SARAF: variants seen among roughly 807,000 people sequenced by gnomAD.
The protein encoded by SARAF is store-operated calcium entry-associated regulatory factor.
SARAF carries 23 observed loss-of-function variants against 39.7 expected under a neutral mutation model. That is an observed-to-expected ratio of 0.58 (90% CI 0.42 to 0.82). The LOEUF (loss-of-function observed/expected upper bound fraction) is 0.82. SARAF is among the 40% of genes least tolerant of loss of function. The pLI is 0.00. For missense variants in SARAF, 384 were observed against 418.5 expected (o/e 0.92, Z 0.72); for synonymous variants, 175 against 168.5 (o/e 1.04, Z -0.30).
intron 2 of SARAF, among the ~76,000 whole-genome samples, chr8:30,072,656 C>T (rs1801873943): frequency 6.6e-6 from 1 of 152,104 alleles, no homozygotes; most frequent in Non-Finnish European, 1.5e-5. Context: ...AGTTTCTGTC[C>T]TGCTACTAAA....
chr8:30,067,706 GT>G (rs1225809465), intron 3 of SARAF, among the ~76,000 whole-genome samples: 1 of 152,114 alleles, frequency 6.6e-6, no homozygotes, highest in African/African-American at 2.4e-5. Flanking sequence ...TGCATTATCA[GT>G]TTTTTTCTTA....
chr8:30,072,947 T>C (rs1425915964), intron 2 of SARAF, among the ~76,000 whole-genome samples: 1 of 152,238 alleles, frequency 6.6e-6, no homozygotes, highest in Non-Finnish European at 1.5e-5. Flanking sequence ...TTGCAATTAA[T>C]ACATGCTTAA....
intron 1 of SARAF, among the ~76,000 whole-genome samples, chr8:30,075,899 T>C (rs539881884): frequency 2.0e-4 from 28 of 142,716 alleles, no homozygotes; most frequent in African/African-American, 7.1e-4. Flanking sequence ...TAGTGGTAGA[T>C]GACTAGACCT....
chr8:30,082,825 T>G, intron 1 of SARAF, 22 bp downstream of exon 1: 1 of 1,433,722 alleles, frequency 7.0e-7, no homozygotes, highest in Admixed American at 2.4e-5. Flanking sequence ...ACGAAGCGCC[T>G]GAGGGCCCTG....
In SARAF at chr8:30,064,553, A is replaced by ATT. The variant is rs1213352789; in HGVS notation, c.995-641_995-640insAA. On this transcript the variant is annotated intron_variant, in intron 5 of 5. Coordinates refer to ENST00000256255, the MANE Select transcript of SARAF (RefSeq NM_016127.6). The stretch of plus-strand genomic sequence containing the variant: ...CCTAGCCATATATATATATATATAT[A>ATT]TATATATATTTTTTTTTTTTTTTTT... 2.8e-3 allele frequency among the ~76,000 whole-genome samples: 135 copies of ATT among 47,656 alleles called. 3 individuals are homozygous for ATT. The highest frequency in any genetic ancestry group is 9.1e-3 in the East Asian group (11 of 1,204). 31.3% of individuals were successfully genotyped at this position (47,656 alleles called of 152,430 possible).
chr8:30,070,152 G>T (rs1426036066), intron 2 of SARAF, 93 bp from the exon 3 acceptor site: 3 of 1,180,988 alleles, frequency 2.5e-6, no homozygotes, highest in Non-Finnish European at 3.6e-6. Context: ...GCTCACACCT[G>T]TAATCTCAGC....
chr8:30,065,291 G>A (rs1212532531), intron 5 of SARAF, among the ~76,000 whole-genome samples: 1 of 152,168 alleles, frequency 6.6e-6, no homozygotes, highest in Non-Finnish European at 1.5e-5. Context: ...TTGGAAGTAT[G>A]CATAGGTTCA....
intron 2 of SARAF, among the ~76,000 whole-genome samples, chr8:30,073,473 C>A (rs1171656357): frequency 6.6e-6 from 1 of 152,158 alleles, no homozygotes; most frequent in Non-Finnish European, 1.5e-5. Context: ...GCTAGAAGCA[C>A]AATAGAGATA....
At chr8:30,074,655 TAAC>T (rs1012986645) in intron 1 of SARAF, among the ~76,000 whole-genome samples, 18 of 152,184 alleles carry the variant, frequency 1.2e-4, no homozygotes, top group African/African-American at 4.1e-4. Context: ...ATGTATATAA[TAAC>T]AACATGAAAA....
chr8:30,065,512 A>G (rs1025137405), intron 5 of SARAF, among the ~76,000 whole-genome samples: 3 of 152,206 alleles, frequency 2.0e-5, no homozygotes, highest in Non-Finnish European at 4.4e-5. Context: ...GCAGCTCCCA[A>G]TTAGGCTTGA....
chr8:30,075,250 A>T (rs1801931682), intron 1 of SARAF, among the ~76,000 whole-genome samples: 1 of 152,008 alleles, frequency 6.6e-6, no homozygotes, highest in African/African-American at 2.4e-5. Flanking sequence ...CAGTGAGCCA[A>T]GATCACACCA....
chr8:30,079,139 C>G (rs1209798943), intron 1 of SARAF, among the ~76,000 whole-genome samples: 2 of 89,204 alleles, frequency 2.2e-5, no homozygotes, highest in African/African-American at 8.9e-5. Context: ...GCCTGGGCGA[C>G]AAGAGTGAAA....
intron 1 of SARAF, among the ~76,000 whole-genome samples, chr8:30,075,870 A>G (rs942347894): frequency 4.6e-5 from 7 of 151,568 alleles, no homozygotes; most frequent in African/African-American, 1.7e-4. Context: ...AGAATTTTGG[A>G]AGGAGAAAGT....
At chr8:30,077,149 C>G (rs867527968) in intron 1 of SARAF, among the ~76,000 whole-genome samples, 1 of 152,188 alleles carries the variant, frequency 6.6e-6, no homozygotes, top group African/African-American at 2.4e-5. Context: ...AAAAACAGGA[C>G]AGCCAAGATT....
chr8:30,063,896 T>TC lies in SARAF; in HGVS notation c.1011dup (p.Arg338GlufsTer5). On this transcript the variant is annotated frameshift_variant, in exon 6 of 6. Transcript: ENST00000256255. LOFTEE classifies it high-confidence loss of function. The stretch of plus-strand genomic sequence containing the variant: ...GACTCCAACTTTCTACTTTATCGTC[T>TC]CCTGGTACCACCATATCCTAGAATG... 1 of 1,613,206 alleles carries TC rather than the reference T, an allele frequency of 6.2e-7. No individual in the cohort carries two copies. The highest frequency in any genetic ancestry group is 8.5e-7 in the Non-Finnish European group (1 of 1,179,476).
intron 5 of SARAF, among the ~76,000 whole-genome samples, chr8:30,064,561 A>ATATATATATATTTTTTTTTTTTTTTTT (rs1423689069): frequency 2.2e-5 from 1 of 46,236 alleles, no homozygotes; most frequent in African/African-American, 1.1e-4. Flanking sequence ...ATATATATAT[A>ATATATATATATTTTTTTTTTTTTTTTT]TTTTTTTTTT....
At chr8:30,064,564 T>A (rs1471702436) in intron 5 of SARAF, among the ~76,000 whole-genome samples, 2 of 99,422 alleles carry the variant, frequency 2.0e-5, no homozygotes, top group African/African-American at 8.1e-5. Flanking sequence ...TATATATATT[T>A]TTTTTTTTTT....
intron 2 of SARAF, among the ~76,000 whole-genome samples, chr8:30,072,141 A>G (rs917792924): frequency 1.3e-5 from 2 of 152,094 alleles, no homozygotes; most frequent in Non-Finnish European, 2.9e-5. Flanking sequence ...TAGCCTTCCT[A>G]CTGAGTGTGA....
chr8:30,063,149 C>T lies in SARAF; in HGVS notation c.*739G>A, dbSNP rs1563349107. ...TTAAGATTGAAACAGACTATTACAA[C>T]AATATTTGAGATTTCACAGAGAACT... On this transcript the variant is annotated 3_prime_UTR_variant, in exon 6 of 6. Transcript: ENST00000256255. The T allele has an allele frequency of 6.6e-6, 1 of 152,156 alleles. No individual in the cohort carries two copies. The highest frequency in any genetic ancestry group is 1.9e-4 in the East Asian group (1 of 5,202). 9.4% of individuals were successfully genotyped at this position (152,156 alleles called of 1,614,324 possible). A position where few individuals can be genotyped will look rare whatever the true frequency, so the allele number is the denominator to read the frequency against.
Sources: gnomAD v4.1 joint callset for allele counts (sites outside exome capture counted in the v4.1 genomes callset) on GRCh38, gnomAD v4.1.1 for gene constraint, MANE v1.5 for transcripts, NCBI Gene and HGNC (gene_info 2026-07-23, HGNC 2026-07-21) for gene names.